The following BCAR3 variants were observed in gnomAD, a reference collection of about 807,000 sequenced individuals.
The protein encoded by BCAR3 is breast cancer anti-estrogen resistance protein 3.
In BCAR3, 37 loss-of-function variants were observed where a neutral mutation model predicts 80.1. The ratio of observed to expected loss-of-function variants is 0.46; its 90% CI spans 0.36 to 0.61. BCAR3 has a LOEUF of 0.61. Ranked by LOEUF, BCAR3 falls within the 20% of genes least tolerant of loss-of-function variation. BCAR3 has a pLI of 0.00. For missense variants in BCAR3, 978 were observed against 1,068.2 expected, an observed-to-expected ratio of 0.92 and a Z score of 1.18; for synonymous variants, 389 against 418.9, an observed-to-expected ratio of 0.93 and a Z score of 0.87.
chr1:93,660,978 G>A (rs948442224), intron 2 of BCAR3, among the ~76,000 whole-genome samples: 1 of 152,150 alleles, frequency 6.6e-6, no homozygotes, highest in Admixed American at 6.5e-5. Context: ...CCGGGTTCAA[G>A]TGATTCTCCT....
chr1:93,846,410 G>GCCGGGCGTTCGGCC (rs1655182131), intron 1 of BCAR3, among the ~76,000 whole-genome samples: 1 of 152,212 alleles, frequency 6.6e-6, no homozygotes, highest in South Asian at 2.1e-4. Context: ...AGGAACGGGG[G>GCCGGGCGTTCGGCC]CCGGGCGTTC....
At chr1:93,663,208 G>A (rs960841212) in intron 2 of BCAR3, among the ~76,000 whole-genome samples, 3 of 152,142 alleles carry the variant, frequency 2.0e-5, no homozygotes, top group Admixed American at 2.0e-4. Flanking sequence ...CCTCTCTTTG[G>A]TCTTATTGTT....
chr1:93,739,733 G>A (rs571158155), intron 2 of BCAR3, among the ~76,000 whole-genome samples: 1 of 152,126 alleles, frequency 6.6e-6, no homozygotes, highest in Non-Finnish European at 1.5e-5. Context: ...AATGAGTACA[G>A]TACATGGAAG....
intron 2 of BCAR3, among the ~76,000 whole-genome samples, chr1:93,820,138 A>C (rs1008412037): frequency 3.3e-5 from 5 of 152,252 alleles, no homozygotes. Flanking sequence ...TCCAGAGTCC[A>C]TCAGGACCTC....
chr1:93,805,818 G>A lies in BCAR3; in HGVS notation c.-63+39749C>T, dbSNP rs74617178. On this transcript the variant is annotated intron_variant, in intron 2 of 13. Coordinates refer to the BCAR3 transcript ENST00000370244. The stretch of plus-strand genomic sequence containing the variant: ...TAGAGATAATTCATGGGGAAGAAAA[G>A]GATTAAACAAATGAACAAAAACTTC... 3.4e-3 allele frequency among the ~76,000 whole-genome samples: 516 copies of A among 152,070 alleles called. 20 individuals are homozygous for A. The East Asian group carries it at 0.083, about 24-fold the overall frequency.
At chr1:93,705,203 G>A (rs904374696) in intron 3 of BCAR3, among the ~76,000 whole-genome samples, 1 of 152,144 alleles carries the variant, frequency 6.6e-6, no homozygotes, top group Non-Finnish European at 1.5e-5. Context: ...GAACTTCACG[G>A]GCTGGGTGGT....
At chr1:93,626,369 T>G (rs1487923161) in intron 3 of BCAR3, among the ~76,000 whole-genome samples, 4 of 152,218 alleles carry the variant, frequency 2.6e-5, no homozygotes, top group Non-Finnish European at 5.9e-5. Context: ...GGATTATTTG[T>G]GTTTTAAGTG....
At chr1:93,618,425 C>CT (rs1195183087) in intron 3 of BCAR3, among the ~76,000 whole-genome samples, 1 of 152,254 alleles carries the variant, frequency 6.6e-6, no homozygotes, top group African/African-American at 2.4e-5. Context: ...AACAAAGAGA[C>CT]TAAAGTACAG....
At chr1:93,574,667 A>G (rs909351530) in intron 8 of BCAR3, among the ~76,000 whole-genome samples, 2 of 152,202 alleles carry the variant, frequency 1.3e-5, no homozygotes, top group Non-Finnish European at 2.9e-5. Context: ...CATGGGAGAA[A>G]TGGCAAAGTG....
At chr1:93,811,993 TTG>T (rs1178990881) in intron 2 of BCAR3, among the ~76,000 whole-genome samples, 1 of 152,238 alleles carries the variant, frequency 6.6e-6, no homozygotes, top group Non-Finnish European at 1.5e-5. Context: ...CAGCACATCA[TTG>T]TCTCCATCTG....
intron 3 of BCAR3, among the ~76,000 whole-genome samples, chr1:93,612,572 A>G (rs1386531305): frequency 6.6e-6 from 1 of 152,176 alleles, no homozygotes; most frequent in Non-Finnish European, 1.5e-5. Context: ...TGGCTTGTGG[A>G]AGGACTTCTA....
chr1:93,623,460 C>T (rs745885324), intron 3 of BCAR3, among the ~76,000 whole-genome samples: 1 of 152,092 alleles, frequency 6.6e-6, no homozygotes, highest in African/African-American at 2.4e-5. Context: ...AAACAGAGTC[C>T]TTCCCTGAGA....
intron 2 of BCAR3, among the ~76,000 whole-genome samples, chr1:93,713,256 A>G (rs1650085838): frequency 6.6e-6 from 1 of 152,214 alleles, no homozygotes; most frequent in Non-Finnish European, 1.5e-5. Flanking sequence ...TGGAGGGAGA[A>G]TAAGTGGCAG....
At chr1:93,691,232 G>A (rs995465735) in intron 3 of BCAR3, among the ~76,000 whole-genome samples, 8 of 152,178 alleles carry the variant, frequency 5.3e-5, no homozygotes, top group African/African-American at 1.7e-4. Context: ...TTGGGAAGTG[G>A]TGACTTCAGC....
chr1:93,572,079 C>T (rs943910935), intron 8 of BCAR3, among the ~76,000 whole-genome samples: 22 of 152,170 alleles, frequency 1.4e-4, no homozygotes, highest in East Asian at 7.7e-4. Context: ...AAGATGTCCC[C>T]GGACAGGGCC....
At chr1:93,846,252 T>C (rs1363315214) in intron 1 of BCAR3, among the ~76,000 whole-genome samples, 1 of 152,160 alleles carries the variant, frequency 6.6e-6, no homozygotes, top group Non-Finnish European at 1.5e-5. Context: ...CTGGCGATGC[T>C]GGGCAGGGGC....
In BCAR3 at chr1:93,675,925, C is replaced by CAAAAAAAAAAAAA. The variant is rs58706715; in HGVS notation, c.-11-997_-11-985dup. Among the ~76,000 whole-genome samples, 511 of 51,418 alleles carry CAAAAAAAAAAAAA rather than the reference C, an allele frequency of 9.9e-3. 35 individuals carry two copies. Among genetic ancestry groups the CAAAAAAAAAAAAA allele is most frequent in the African/African-American group, 0.026 (488 of 19,024 alleles). The allele number at this position is 51,418 out of a possible 152,430, so 33.7% of individuals were successfully genotyped here. The stretch of plus-strand genomic sequence containing the variant: ...CACACAGAGGAAAAGAAATAGGAGA[C>CAAAAAAAAAAAAA]AAAAAAAAAAAAAAAAAAAAAAAAA... On this transcript the variant is annotated intron_variant, in intron 1 of 11. Transcript: ENST00000260502.
intron 2 of BCAR3, among the ~76,000 whole-genome samples, chr1:93,832,551 C>T (rs986516394): frequency 3.9e-5 from 6 of 152,186 alleles, no homozygotes; most frequent in African/African-American, 9.7e-5. Context: ...CCAATCACCT[C>T]GGAAGCCTAC....
intron 2 of BCAR3, among the ~76,000 whole-genome samples, chr1:93,765,877 G>A (rs1200508779): frequency 6.6e-6 from 1 of 151,968 alleles, no homozygotes; most frequent in Non-Finnish European, 1.5e-5. Context: ...ATATTGACTG[G>A]GCTGGTCTCA....
Sources: gnomAD v4.1 joint callset for allele counts (sites outside exome capture counted in the v4.1 genomes callset) on GRCh38, gnomAD v4.1.1 for gene constraint, MANE v1.5 for transcripts, NCBI Gene and HGNC (gene_info 2026-07-23, HGNC 2026-07-21) for gene names.